The following FGF14 variants were observed in gnomAD, a reference collection of about 807,000 sequenced individuals.
FGF14 encodes the protein fibroblast growth factor homologous factor 4.
FGF14 carries 5 observed loss-of-function variants against 25.5 expected under a neutral mutation model. That is an observed-to-expected ratio of 0.20 (90% CI 0.10 to 0.41). The LOEUF (loss-of-function observed/expected upper bound fraction) is 0.41, where lower values mean the gene tolerates loss of function less well. Among genes scored for constraint, FGF14 ranks in the 10% least tolerant of loss-of-function variants. FGF14 has a pLI of 1.00. For synonymous variants in FGF14, 138 were observed against 118.3 expected, an observed-to-expected ratio of 1.17 and a Z score of -1.08; for missense variants, 222 against 320.1, an observed-to-expected ratio of 0.69 and a Z score of 2.34.
At position 102,075,443 on chromosome 13, in the gene FGF14, C is replaced by T. The variant is rs2043320856; in HGVS notation, c.209-200147G>A. On this transcript the variant is annotated intron_variant, in intron 1 of 4. Transcript: ENST00000376131. ...AGCTGAAAAATTCCTATCATCTTAG[C>T]ACAATGCATTTCTCATGTGTTTGTG... Among the ~76,000 whole-genome samples, 3 of 152,272 alleles carry T rather than the reference C, an allele frequency of 2.0e-5. 1 individual carries two copies. The South Asian group carries it at 6.2e-4, about 32-fold the overall frequency.
chr13:102,080,946 C>T (rs2043589768), intron 1 of FGF14, among the ~76,000 whole-genome samples: 1 of 152,368 alleles, frequency 6.6e-6, no homozygotes, highest in East Asian at 1.9e-4. Context: ...CCACAGAGGA[C>T]TTCCTCCAGC....
chr13:102,006,256 CAA>C (rs1003125041), intron 1 of FGF14, among the ~76,000 whole-genome samples: 2 of 152,062 alleles, frequency 1.3e-5, no homozygotes, highest in Non-Finnish European at 2.9e-5. Context: ...AAAATTGTTA[CAA>C]AAAACTTATT....
At chr13:102,119,007 T>C (rs1218755512) in intron 1 of FGF14, among the ~76,000 whole-genome samples, 1 of 152,084 alleles carries the variant, frequency 6.6e-6, no homozygotes, top group African/African-American at 2.4e-5. Context: ...ATGAATTCAG[T>C]AAAACTGTTG....
At chr13:102,335,641 T>C (rs1011931666) in intron 1 of FGF14, among the ~76,000 whole-genome samples, 5 of 152,152 alleles carry the variant, frequency 3.3e-5, no homozygotes, top group African/African-American at 7.2e-5. Flanking sequence ...CCAGATACAA[T>C]GCAAGGGAGG....
At chr13:101,916,309 G>A (rs975510988) in intron 1 of FGF14, 144 bp downstream of exon 1, 3 of 1,003,272 alleles carry the variant, frequency 3.0e-6, no homozygotes, top group Non-Finnish European at 3.1e-6. Flanking sequence ...CAGGGTCCCC[G>A]CGACGGCACC....
chr13:102,153,307 C>T (rs1040383143), intron 1 of FGF14, among the ~76,000 whole-genome samples: 43 of 152,260 alleles, frequency 2.8e-4, no homozygotes, highest in African/African-American at 9.1e-4. Flanking sequence ...ACATATTTTT[C>T]TCTGAAATAA....
At chr13:102,208,224 T>A (rs971114473) in intron 1 of FGF14, among the ~76,000 whole-genome samples, 1 of 152,144 alleles carries the variant, frequency 6.6e-6, no homozygotes, top group Non-Finnish European at 1.5e-5. Context: ...TAATCTGTAA[T>A]CAGAAAGCAA....
At chr13:102,007,058 T>C (rs2039845238) in intron 1 of FGF14, among the ~76,000 whole-genome samples, 1 of 152,104 alleles carries the variant, frequency 6.6e-6, no homozygotes, top group Admixed American at 6.5e-5. Flanking sequence ...TCTTACTTCT[T>C]AGAGTGTGGT....
At chr13:101,791,309 T>C (rs367743853) in intron 3 of FGF14, among the ~76,000 whole-genome samples, 21 of 152,290 alleles carry the variant, frequency 1.4e-4, no homozygotes, top group East Asian at 3.9e-4. Context: ...GTGTGAAGCA[T>C]TGTATGCTGG....
At chr13:102,325,935 A>AT (rs1319291816) in intron 1 of FGF14, among the ~76,000 whole-genome samples, 2 of 152,138 alleles carry the variant, frequency 1.3e-5, no homozygotes, top group East Asian at 1.9e-4. Flanking sequence ...AATACCTATA[A>AT]TTTTTTTCAT....
chr13:102,130,303 C>T (rs2046139286), intron 1 of FGF14, among the ~76,000 whole-genome samples: 2 of 152,280 alleles, frequency 1.3e-5, no homozygotes, highest in South Asian at 4.2e-4. Context: ...TTTCTGGTGG[C>T]TCCAGGGAAG....
At chr13:101,760,460 C>CATTT (rs1391721318) in intron 3 of FGF14, among the ~76,000 whole-genome samples, 1 of 152,232 alleles carries the variant, frequency 6.6e-6, no homozygotes, top group African/African-American at 2.4e-5. Flanking sequence ...GTTAAAGTGG[C>CATTT]AACAAAATCG....
intron 1 of FGF14, among the ~76,000 whole-genome samples, chr13:102,163,599 G>T (rs1395516835): frequency 6.6e-6 from 1 of 152,134 alleles, no homozygotes. Flanking sequence ...GGTTCTCAGA[G>T]GTCACTTTGA....
At chr13:102,119,329 A>G (rs1244076718) in intron 1 of FGF14, among the ~76,000 whole-genome samples, 1 of 152,190 alleles carries the variant, frequency 6.6e-6, no homozygotes, top group Non-Finnish European at 1.5e-5. Context: ...CAAACAGACT[A>G]TATCGTGGGG....
At chr13:102,242,673 T>C (rs561050673) in intron 1 of FGF14, among the ~76,000 whole-genome samples, 15 of 152,234 alleles carry the variant, frequency 9.9e-5, no homozygotes, top group South Asian at 4.1e-4. Flanking sequence ...CACAGCTGCA[T>C]TGGGGATTCA....
rs770561404 is a variant in FGF14 at position 101,756,202 on chromosome 13, CTTAGA to C, written c.409-29397_409-29393del. 2.0e-4 allele frequency among the ~76,000 whole-genome samples: 30 copies of C among 152,246 alleles called. 1 individual carries two copies. Among genetic ancestry groups the C allele is most frequent in the Admixed American group, 3.9e-4 (6 of 15,292 alleles). ...TCCAAAGTTAATATCTCCTTATGAA[CTTAGA>C]TTAAAGTTAAAAATTTATTTTAGAC... is the stretch of plus-strand genomic sequence containing the variant. On this transcript the variant is annotated intron_variant, in intron 3 of 4. Coordinates refer to ENST00000376143, the MANE Select transcript of FGF14 (RefSeq NM_004115.4).
intron 1 of FGF14, among the ~76,000 whole-genome samples, chr13:102,230,520 C>A (rs1389712403): frequency 1.3e-5 from 2 of 152,090 alleles, no homozygotes; most frequent in Non-Finnish European, 2.9e-5. Flanking sequence ...TATACCAGCT[C>A]CCCCTTCCTA....
chr13:102,111,568 T>A (rs1221880228), intron 1 of FGF14, among the ~76,000 whole-genome samples: 1 of 151,906 alleles, frequency 6.6e-6, no homozygotes, highest in African/African-American at 2.4e-5. Flanking sequence ...ATACAAAAAT[T>A]AGCCGGGTGT....
chr13:102,291,978 G>A (rs2054427654), intron 1 of FGF14, among the ~76,000 whole-genome samples: 1 of 152,060 alleles, frequency 6.6e-6, no homozygotes, highest in Non-Finnish European at 1.5e-5. Flanking sequence ...GAGAGTCGCT[G>A]CAGTGAGTCA....
Sources: gnomAD v4.1 joint callset for allele counts (sites outside exome capture counted in the v4.1 genomes callset) on GRCh38, gnomAD v4.1.1 for gene constraint, MANE v1.5 for transcripts, NCBI Gene and HGNC (gene_info 2026-07-23, HGNC 2026-07-21) for gene names.